The following STXBP3 variants were observed in gnomAD, a reference collection of about 807,000 sequenced individuals.
STXBP3 encodes the protein syntaxin binding protein 3.
Under a neutral mutation model 85.7 loss-of-function variants are expected in STXBP3, and 41 were observed. That is an observed-to-expected ratio of 0.48 (90% CI 0.37 to 0.62). STXBP3 has a LOEUF of 0.62. Ranked by LOEUF, STXBP3 falls within the 20% of genes least tolerant of loss-of-function variation. STXBP3 has a pLI of 0.00. For missense variants in STXBP3, 563 were observed against 703.1 expected, an observed-to-expected ratio of 0.80 and a Z score of 2.25; for synonymous variants, 229 against 231.7, an observed-to-expected ratio of 0.99 and a Z score of 0.10.
intron 11 of STXBP3, among the ~76,000 whole-genome samples, chr1:108,793,312 C>T (rs903758442): frequency 6.6e-6 from 1 of 151,910 alleles, no homozygotes; most frequent in Non-Finnish European, 1.5e-5. Context: ...TCAGCTGTCT[C>T]AGCTGTGAGC....
rs539034973 is a variant in STXBP3 at position 108,770,087 on chromosome 1, C to G, written c.439-2578C>G. Among the ~76,000 whole-genome samples, 15 of 152,184 alleles carry G rather than the reference C, an allele frequency of 9.9e-5. No individual in the cohort carries two copies. The South Asian group carries it at 1.0e-3, about 11-fold the overall frequency. On this transcript the variant is annotated intron_variant, in intron 6 of 18. Coordinates refer to ENST00000370008, the MANE Select transcript of STXBP3 (RefSeq NM_007269.4). ...GAAGGATTGCTTGAGCCCAGGAGTA[C>G]TAGACCAGCCTGGGCAACAAAGTGA...
intron 11 of STXBP3, among the ~76,000 whole-genome samples, chr1:108,783,680 G>C (rs1202692612): frequency 6.6e-6 from 1 of 152,102 alleles, no homozygotes; most frequent in Non-Finnish European, 1.5e-5. Context: ...GGTATATTAA[G>C]AGTAAAATTA....
In STXBP3 at chr1:108,772,682, A is replaced by C; in HGVS notation, c.456A>C (p.Val152=). 1.3e-6 allele frequency: 2 copies of C among 1,529,330 alleles called. No individual in the cohort carries two copies. The highest frequency in any genetic ancestry group is 3.8e-5 in the Admixed American group (2 of 52,778). The allele number at this position is 1,529,330 out of a possible 1,614,324, so 94.7% of individuals were successfully genotyped here. Residue 152 remains valine (V), a synonymous_variant, in exon 7 of 19, where the codon GTA becomes GTC. Coordinates refer to ENST00000370008, the MANE Select transcript of STXBP3 (RefSeq NM_007269.4). ...PHESQVYTLD[V]PDAFYYCYSP... is the part of the protein sequence containing the mutation. ...TAACTTAGGTGTATACTCTTGATGT[A>C]CCAGATGCATTCTATTACTGTTATA...
chr1:108,769,129 T>A (rs911592025), intron 6 of STXBP3, among the ~76,000 whole-genome samples: 1 of 152,082 alleles, frequency 6.6e-6, no homozygotes. Context: ...TCTAACAAAG[T>A]AAGCTAGAGA....
chr1:108,796,812 C>A, intron 15 of STXBP3, 86 bp downstream of exon 15: 2 of 904,074 alleles, frequency 2.2e-6, no homozygotes, highest in Non-Finnish European at 3.1e-6. Context: ...TTTATGTGGA[C>A]AGTCTTCTTA....
intron 12 of STXBP3, 138 bp downstream of exon 12, chr1:108,793,785 G>A: frequency 1.7e-6 from 1 of 581,568 alleles, no homozygotes; most frequent in Non-Finnish European, 2.9e-6. Flanking sequence ...CTATAGGTCT[G>A]AGAGATATCC....
intron 11 of STXBP3, among the ~76,000 whole-genome samples, chr1:108,784,148 G>C (rs1662778384): frequency 6.6e-6 from 1 of 151,854 alleles, no homozygotes; most frequent in African/African-American, 2.4e-5. Context: ...TAGAAGTCTT[G>C]GCTTACCCTG....
Position 108,796,664 on chromosome 1 carries a change from A to T in STXBP3, c.1294A>T (p.Ile432Leu). The T allele has an allele frequency of 3.1e-6, 5 of 1,613,634 alleles. No individual in the cohort carries two copies. Among genetic ancestry groups the T allele is most frequent in the Non-Finnish European group, 4.2e-6 (5 of 1,179,822 alleles). Residue 432 changes from isoleucine to leucine, a missense_variant, in exon 15 of 19, where the codon ATA becomes TTA. Physicochemically the swap from Ile to Leu is conservative, Grantham distance 5. This residue lies in a region of STXBP3 where 494 missense variants were observed against 592.8 expected (regional missense o/e 0.83). Coordinates refer to ENST00000370008, the MANE Select transcript of STXBP3 (RefSeq NM_007269.4). ...GGACAGGTTGATCCAGAATGTAAAG[A>T]TAGAAAATGAGAGTGACATGATTCG... ...NLDRLIQNVKIENESDMIRNW... is the reference protein window; with the variant it reads ...NLDRLIQNVKLENESDMIRNW...
At chr1:108,762,197 G>A (rs914663957) in intron 6 of STXBP3, among the ~76,000 whole-genome samples, 1 of 152,124 alleles carries the variant, frequency 6.6e-6, no homozygotes. Context: ...CAAGATATAT[G>A]TCCTACCCTC....
intron 11 of STXBP3, 85 bp downstream of exon 11, chr1:108,782,791 T>TCCAAAAATAAAAAG: frequency 7.6e-7 from 1 of 1,312,288 alleles, no homozygotes; most frequent in Non-Finnish European, 1.0e-6. Flanking sequence ...TCTGTAACTT[T>TCCAAAAATAAAAAG]TTATTTTTGG....
chr1:108,803,581 C>T (rs144413556), intron 17 of STXBP3, among the ~76,000 whole-genome samples: 18 of 152,256 alleles, frequency 1.2e-4, no homozygotes, highest in East Asian at 5.8e-4. Context: ...CTGTGCCTCC[C>T]GGACTCAAGC....
intron 11 of STXBP3, among the ~76,000 whole-genome samples, chr1:108,788,023 C>G (rs1380257033): frequency 6.6e-6 from 1 of 152,168 alleles, no homozygotes; most frequent in Non-Finnish European, 1.5e-5. Context: ...AACTCCTGAG[C>G]TCAGACAATC....
chr1:108,776,278 T>G (rs937312039), intron 7 of STXBP3, 55 bp from the exon 8 acceptor site: 37 of 1,157,984 alleles, frequency 3.2e-5, no homozygotes, highest in Non-Finnish European at 4.2e-5. Context: ...TTCATGATAT[T>G]ATAAAGTATA....
In STXBP3 at chr1:108,768,074, G is replaced by GAGGA. The variant is rs1158723214; in HGVS notation, c.439-4590_439-4587dup. Among the ~76,000 whole-genome samples, 3 of 152,304 alleles carry GAGGA rather than the reference G, an allele frequency of 2.0e-5. No individual in the cohort carries two copies. In the East Asian group the frequency reaches 5.8e-4, roughly 29 times the overall value. On this transcript the variant is annotated intron_variant, in intron 6 of 18. Transcript: ENST00000370008. Reference sequence around the variant, plus strand: ...ACTGAAGTGCAGTTACTGAAAAGGGGAGGATGTTTGTTGGAGAAGCATCTT... The same window carrying GAGGA: ...ACTGAAGTGCAGTTACTGAAAAGGGGAGGAAGGATGTTTGTTGGAGAAGCATCTT...
In STXBP3 at chr1:108,783,514, A is replaced by G. The variant is rs184784507; in HGVS notation, c.963+808A>G. 1.2e-4 allele frequency among the ~76,000 whole-genome samples: 19 copies of G among 152,272 alleles called. No homozygotes were observed. The South Asian group carries it at 2.3e-3, about 18-fold the overall frequency. On this transcript the variant is annotated intron_variant, in intron 11 of 18. Transcript: ENST00000370008. ...TAATTCATTTTTTTCATTTGTGTATAGTAGTAATACCATTATGTAAATATA... is the reference window on the plus strand; with the variant it reads ...TAATTCATTTTTTTCATTTGTGTATGGTAGTAATACCATTATGTAAATATA...
chr1:108,772,928 T>C (rs1012175761), intron 7 of STXBP3, 109 bp downstream of exon 7: 170 of 1,082,648 alleles, frequency 1.6e-4, no homozygotes, highest in Non-Finnish European at 1.9e-4. Context: ...TTATTTTCTT[T>C]GTATGATTAC....
intron 11 of STXBP3, among the ~76,000 whole-genome samples, chr1:108,786,082 T>A (rs181593416): frequency 3.7e-4 from 56 of 152,316 alleles, no homozygotes; most frequent in Non-Finnish European, 5.4e-4. Context: ...CCACTCCTGG[T>A]ACCAAAACTG....
chr1:108,753,143 TG>T lies in STXBP3; in HGVS notation c.181+1del. ...MTDLLEEGIT[V>X]VENIYKNREP... is the part of the protein sequence containing the mutation. ...CAGATCTTCTAGAAGAAGGTATTAC[TG>T]GTAAGTGTTATTCTTGGCATGAACA... is the stretch of plus-strand genomic sequence containing the variant. On this transcript the variant is annotated frameshift_variant and splice_region_variant, in exon 3 of 19. Transcript: ENST00000370008. LOFTEE classifies it high-confidence loss of function. 6.4e-7 allele frequency: 1 copy of T among 1,574,782 alleles called. No individual in the cohort carries two copies. Among genetic ancestry groups the T allele is most frequent in the Non-Finnish European group, 8.6e-7 (1 of 1,163,036 alleles).
intron 7 of STXBP3, among the ~76,000 whole-genome samples, chr1:108,773,872 C>G (rs1662527103): frequency 6.6e-6 from 1 of 151,776 alleles, no homozygotes; most frequent in Non-Finnish European, 1.5e-5. Context: ...AGATGACGAA[C>G]AAAATGACAT....
Sources: gnomAD v4.1 joint callset for allele counts (sites outside exome capture counted in the v4.1 genomes callset) on GRCh38, gnomAD v4.1.1 for gene constraint, gnomAD v4.1.1 regional missense constraint, MANE v1.5 for transcripts, NCBI Gene and HGNC (gene_info 2026-07-23, HGNC 2026-07-21) for gene names.